Variants in MRPL39 observed in about 807,000 individuals in gnomAD.
MRPL39 encodes mitochondrial ribosomal protein L39, also known as large ribosomal subunit protein mL39.
In MRPL39, 35 loss-of-function variants were observed where a neutral mutation model predicts 44.5. That is an observed-to-expected ratio of 0.79 (90% confidence interval 0.60 to 1.04). MRPL39 has a LOEUF of 1.04. MRPL39 is among the 50% of genes least tolerant of loss of function. The probability of loss-of-function intolerance (pLI) is 0.00; values close to 1 mark genes in which losing one functional copy is unlikely to be tolerated. For missense variants in MRPL39, 433 were observed against 413.5 expected (o/e 1.05, Z -0.41); for synonymous variants, 139 against 136.1 (o/e 1.02, Z -0.15).
intron 2 of MRPL39, among the ~76,000 whole-genome samples, chr21:25,604,819 C>A (rs1375542183): frequency 6.6e-6 from 1 of 152,142 alleles, no homozygotes; most frequent in Non-Finnish European, 1.5e-5. Context: ...AGTCTAGCAC[C>A]AGGCCTGGAA....
At chr21:25,586,388 G>A (rs1023109367) in intron 9 of MRPL39, among the ~76,000 whole-genome samples, 4 of 152,076 alleles carry the variant, frequency 2.6e-5, no homozygotes, top group Admixed American at 6.5e-5. Flanking sequence ...TCTCCCTATC[G>A]CGGCTGAACT....
chr21:25,592,516 G>A (rs1537087), intron 8 of MRPL39, among the ~76,000 whole-genome samples: 116,686 of 152,030 alleles, frequency 0.77, 45,242 homozygotes, highest in Non-Finnish European at 0.82. Context: ...GGCATTCCAG[G>A]AAGTCTTACC....
intron 3 of MRPL39, among the ~76,000 whole-genome samples, chr21:25,602,724 C>T (rs2031557209): frequency 6.6e-6 from 1 of 152,092 alleles, no homozygotes; most frequent in Non-Finnish European, 1.5e-5. Flanking sequence ...TAGAAGTTTC[C>T]ACAAAGCAGA....
chr21:25,603,768 T>C (rs776628965), intron 3 of MRPL39, 28 bp downstream of exon 3: 5 of 1,576,568 alleles, frequency 3.2e-6, no homozygotes, highest in Admixed American at 2.0e-5. Flanking sequence ...ACTGGGGAAA[T>C]AGAAAAAGAA....
Position 25,597,521 on chromosome 21 carries a change from TA to T in MRPL39, c.589-108del, listed in dbSNP as rs1184409769. ...CTTAGTACTGCAAATCCAACTAAAATAAAAGATAAAATCAAATTTGTTAGAA... is the reference window on the plus strand; with the variant it reads ...CTTAGTACTGCAAATCCAACTAAAATAAAGATAAAATCAAATTTGTTAGAA... On this transcript the variant is annotated intron_variant, in intron 5 of 9. Coordinates refer to ENST00000352957, the MANE Select transcript of MRPL39 (RefSeq NM_017446.4). The T allele has an allele frequency of 5.2e-6, 3 of 571,768 alleles. No individual in the cohort carries two copies. The African/African-American group carries it at 5.8e-5, about 11-fold the overall frequency. 35.4% of individuals were successfully genotyped at this position (571,768 alleles called of 1,614,324 possible). A position where few individuals can be genotyped will look rare whatever the true frequency, so the allele number is the denominator to read the frequency against.
chr21:25,595,075 C>T (rs1459774121), intron 6 of MRPL39, among the ~76,000 whole-genome samples: 2 of 152,214 alleles, frequency 1.3e-5, no homozygotes, highest in Admixed American at 1.3e-4. Context: ...TGAAACTGCA[C>T]AGCCCAGGTT....
upstream of MRPL39, chr21:25,607,497 G>C (rs2031729112): frequency 3.1e-6 from 5 of 1,607,734 alleles, no homozygotes; most frequent in Admixed American, 1.7e-5. Context: ...GAACCGTCGC[G>C]CGCAAGTCCT....
intron 5 of MRPL39, 130 bp downstream of exon 5, chr21:25,599,665 GATAC>G (rs1175383337): frequency 6.8e-5 from 48 of 705,410 alleles, no homozygotes; most frequent in African/African-American, 1.6e-4. Context: ...CAGATACATA[GATAC>G]ATAGATAGAT....
chr21:25,607,446 C>A lies in MRPL39; in HGVS notation c.30G>T (p.Ala10=), dbSNP rs146076589. ...CGGGTGCGACCAGCCAGAGCCGCAG[C>A]GCCCGGGAACCCATGGCCAGCGCCT... The part of the protein sequence containing the change: MEALAMGSR[A]LRLWLVAPGG... The change falls in exon 1 of 10, where the codon GCG becomes GCT. Residue 10 remains alanine, a synonymous_variant. Coordinates refer to ENST00000352957, the MANE Select transcript of MRPL39 (RefSeq NM_017446.4). The A allele has an allele frequency of 3.1e-6, 5 of 1,612,964 alleles. No homozygotes were observed. In the African/African-American group the frequency reaches 6.7e-5, roughly 22 times the overall value.
chr21:25,598,814 C>A (rs2031437047), intron 5 of MRPL39, among the ~76,000 whole-genome samples: 1 of 145,218 alleles, frequency 6.9e-6, no homozygotes. Flanking sequence ...CTTTTAAGAA[C>A]CACTACAGTA....
At chr21:25,590,528 G>C (rs2031141788) in intron 8 of MRPL39, among the ~76,000 whole-genome samples, 1 of 152,144 alleles carries the variant, frequency 6.6e-6, no homozygotes, top group Non-Finnish European at 1.5e-5. Context: ...CCCATTTTCT[G>C]AAATTGGGAA....
chr21:25,607,377 C>T, intron 1 of MRPL39, 26 bp downstream of exon 1: 2 of 1,613,644 alleles, frequency 1.2e-6, no homozygotes, highest in Non-Finnish European at 1.7e-6. Flanking sequence ...GCCTCGCTCC[C>T]TGTCCCTACG....
At chr21:25,596,614 AAATTCT>A (rs1185857192) in intron 6 of MRPL39, among the ~76,000 whole-genome samples, 2 of 152,338 alleles carry the variant, frequency 1.3e-5, no homozygotes, top group East Asian at 3.9e-4. Context: ...ATACCTAAAG[AAATTCT>A]AATCAGTAAA....
chr21:25,607,258 T>G, intron 1 of MRPL39, 145 bp downstream of exon 1: 1 of 847,396 alleles, frequency 1.2e-6, no homozygotes, highest in South Asian at 1.6e-5. Context: ...TCCCAAGCTG[T>G]GCAAGAGCGA....
At chr21:25,602,687 G>A (rs762784677) in intron 3 of MRPL39, among the ~76,000 whole-genome samples, 10 of 152,184 alleles carry the variant, frequency 6.6e-5, no homozygotes, top group African/African-American at 1.2e-4. Context: ...TTAGAGAAAA[G>A]AGGATTAATT....
chr21:25,603,131 CT>C (rs2031568291), intron 3 of MRPL39, among the ~76,000 whole-genome samples: 1 of 152,166 alleles, frequency 6.6e-6, no homozygotes, highest in Non-Finnish European at 1.5e-5. Flanking sequence ...AATTAAACTT[CT>C]TTTCTTTATA....
intron 1 of MRPL39, 46 bp downstream of exon 1, chr21:25,607,357 C>T (rs750304384): frequency 1.2e-6 from 2 of 1,602,016 alleles, no homozygotes; most frequent in South Asian, 1.1e-5. Flanking sequence ...AGACAGACAC[C>T]ACTATCTAGG....
At chr21:25,585,853 C>CT (rs1384807522) in intron 9 of MRPL39, 99 bp from the exon 10 acceptor site, 15 of 776,794 alleles carry the variant, frequency 1.9e-5, no homozygotes, top group Non-Finnish European at 2.8e-5. Flanking sequence ...TATAATGACC[C>CT]TTTATCTTTC....
At chr21:25,599,977 A>G in intron 4 of MRPL39, 111 bp from the exon 5 acceptor site, 4 of 752,092 alleles carry the variant, frequency 5.3e-6, no homozygotes, top group South Asian at 3.5e-5. Context: ...CTCTCTCCCA[A>G]CTCTACAAAT....
Sources: allele counts gnomAD v4.1 joint callset (sites outside exome capture counted in the v4.1 genomes callset), GRCh38; gene constraint gnomAD v4.1.1; transcripts MANE v1.5; gene names NCBI Gene and HGNC (gene_info 2026-07-23, HGNC 2026-07-21).